Variants in PKP4 observed in about 807,000 individuals in gnomAD.
The protein encoded by PKP4 is plakophilin-4.
A neutral mutation model predicts 145.1 loss-of-function variants in PKP4; 90 were observed. The observed-to-expected ratio is 0.62, with a 90% confidence interval of 0.52 to 0.74. PKP4 has a LOEUF of 0.74. Ranked by LOEUF, PKP4 falls within the 30% of genes least tolerant of loss-of-function variation. The probability of loss-of-function intolerance (pLI) is 0.00; values close to 1 mark genes in which losing one functional copy is unlikely to be tolerated. For synonymous variants in PKP4, 563 were observed against 577.2 expected (o/e 0.98, Z 0.35); for missense variants, 1,340 against 1,482.7 (o/e 0.90, Z 1.58).
At chr2:158,490,199 A>G (rs931689099) in intron 1 of PKP4, among the ~76,000 whole-genome samples, 1 of 152,200 alleles carries the variant, frequency 6.6e-6, no homozygotes, top group Non-Finnish European at 1.5e-5. Context: ...GCCAAAATGT[A>G]GAAATTTAGC....
At chr2:158,588,478 G>A (rs568789476) in intron 3 of PKP4, among the ~76,000 whole-genome samples, 3 of 152,096 alleles carry the variant, frequency 2.0e-5, no homozygotes, top group East Asian at 1.9e-4. Flanking sequence ...AGTGTCCTCC[G>A]GCTGTTGATG....
chr2:158,623,040 T>G (rs1180303707), intron 6 of PKP4, among the ~76,000 whole-genome samples: 1 of 152,250 alleles, frequency 6.6e-6, no homozygotes, highest in Non-Finnish European at 1.5e-5. Context: ...AGACTTAATT[T>G]GCATGTAGTC....
At chr2:158,551,655 T>G (rs1383910751) in intron 2 of PKP4, among the ~76,000 whole-genome samples, 1 of 152,254 alleles carries the variant, frequency 6.6e-6, no homozygotes, top group Non-Finnish European at 1.5e-5. Context: ...AAGTATTTTT[T>G]AAATCTTTGC....
intron 2 of PKP4, among the ~76,000 whole-genome samples, chr2:158,545,207 G>A (rs1410950829): frequency 6.7e-6 from 1 of 149,200 alleles, no homozygotes; most frequent in Non-Finnish European, 1.5e-5. Flanking sequence ...TCCTCACCAG[G>A]CATTCTGGGC....
intron 5 of PKP4, 28 bp downstream of exon 5, chr2:158,621,149 G>T (rs1448374551): frequency 1.2e-6 from 2 of 1,613,806 alleles, no homozygotes; most frequent in Middle Eastern, 1.6e-4. Context: ...TTAAGTACTG[G>T]ATTTGCTTTT....
chr2:158,658,066 C>A (rs1462920046), intron 11 of PKP4, 65 bp from the exon 12 acceptor site: 3 of 916,496 alleles, frequency 3.3e-6, no homozygotes, highest in African/African-American at 1.7e-5. Context: ...AGAGCTAATA[C>A]GTTTATTTTA....
intron 2 of PKP4, among the ~76,000 whole-genome samples, chr2:158,556,647 T>C (rs184041106): frequency 6.3e-4 from 96 of 152,158 alleles, no homozygotes; most frequent in African/African-American, 2.2e-3. Context: ...GCACTGTTTA[T>C]CAGATGAGAA....
intron 9 of PKP4, among the ~76,000 whole-genome samples, chr2:158,638,952 A>G (rs2054041337): frequency 6.6e-6 from 1 of 152,086 alleles, no homozygotes; most frequent in Admixed American, 6.6e-5. Context: ...AAATGTGACT[A>G]TGTCACATCC....
chr2:158,518,540 TC>T (rs1192437544), intron 1 of PKP4, among the ~76,000 whole-genome samples: 4 of 152,028 alleles, frequency 2.6e-5, no homozygotes, highest in African/African-American at 9.7e-5. Context: ...TTTTATCAGC[TC>T]CTCACTCCTC....
intron 2 of PKP4, among the ~76,000 whole-genome samples, chr2:158,575,556 C>T (rs2047774519): frequency 6.6e-6 from 1 of 151,964 alleles, no homozygotes; most frequent in Admixed American, 6.6e-5. Context: ...ATCTTCATAC[C>T]ATACTGTACC....
chr2:158,457,337 G>C (rs1279564742), intron 1 of PKP4, 119 bp downstream of exon 1: 6 of 151,946 alleles, frequency 3.9e-5, no homozygotes, highest in African/African-American at 9.7e-5. Flanking sequence ...CCTCCCTCCC[G>C]CTGCCGCGTC....
Position 158,640,639 on chromosome 2 carries a change from G to A in PKP4, c.1575G>A (p.Trp525Ter). The change falls in exon 10 of 22, where the codon TGG becomes TGA. Residue 525 changes from tryptophan to a stop codon, truncating the protein, a stop_gained. Transcript: ENST00000389759. LOFTEE classifies it high-confidence loss of function. ...SIQKDPREFAWRDPELPEVIH... is the reference protein window; with the variant it reads ...SIQKDPREFA ...TTTTCTCATGTAGGGAGTTTGCCTG[G>A]CGTGATCCTGAGTTGCCTGAGGTCA... 6.2e-7 allele frequency: 1 copy of A among 1,613,214 alleles called. No individual in the cohort carries two copies. The highest frequency in any genetic ancestry group is 8.5e-7 in the Non-Finnish European group (1 of 1,179,952).
Position 158,666,520 on chromosome 2 carries a change from C to T in PKP4, c.2685C>T (p.Ala895=). 3 of 1,613,410 alleles carry T rather than the reference C, an allele frequency of 1.9e-6. No individual in the cohort carries two copies. Among genetic ancestry groups the T allele is most frequent in the Non-Finnish European group, 2.5e-6 (3 of 1,179,722 alleles). Residue 895 remains alanine (A), a synonymous_variant, in exon 16 of 22, where the codon GCC becomes GCT. Coordinates refer to ENST00000389759, the MANE Select transcript of PKP4 (RefSeq NM_003628.6). ...GAGTTGTTTCTTCCGTGGCAACAGC[C>T]TTGAGGAATATGGCACTAGATGTTC... ...NDRVVSSVAT[A]LRNMALDVRN... is the part of the protein sequence containing the mutation.
Position 158,489,292 on chromosome 2 carries a change from G to C in PKP4, c.-6+32074G>C, listed in dbSNP as rs113083566. 1.5e-3 allele frequency among the ~76,000 whole-genome samples: 224 copies of C among 152,026 alleles called. 1 individual carries two copies. The highest frequency in any genetic ancestry group is 5.2e-3 in the African/African-American group (216 of 41,438). ...ACTGCTATTTATAGTAACTTTCTAG[G>C]GTTTTGCTTTTTATAGTTATGGAGT... is the stretch of plus-strand genomic sequence containing the variant. On this transcript the variant is annotated intron_variant, in intron 1 of 21. Coordinates refer to ENST00000389759, the MANE Select transcript of PKP4 (RefSeq NM_003628.6).
intron 2 of PKP4, among the ~76,000 whole-genome samples, chr2:158,567,764 A>G (rs2047111155): frequency 6.6e-6 from 1 of 152,250 alleles, no homozygotes; most frequent in African/African-American, 2.4e-5. Flanking sequence ...CCACCATGGC[A>G]GGGAGAAGAC....
chr2:158,631,104 A>AT (rs1211637109), intron 7 of PKP4, among the ~76,000 whole-genome samples: 177 of 150,856 alleles, frequency 1.2e-3, no homozygotes, highest in African/African-American at 4.1e-3. Context: ...CGCCCGGCTA[A>AT]TTTTTTTTTG....
chr2:158,643,771 G>A (rs2054559230), intron 11 of PKP4, among the ~76,000 whole-genome samples: 2 of 151,422 alleles, frequency 1.3e-5, no homozygotes, highest in African/African-American at 4.8e-5. Context: ...CTTCATTTAG[G>A]GAACTGTTTT....
chr2:158,536,758 G>A (rs2044084006), intron 2 of PKP4, among the ~76,000 whole-genome samples: 2 of 152,152 alleles, frequency 1.3e-5, no homozygotes, highest in African/African-American at 4.8e-5. Context: ...GCGTACCTGC[G>A]AAGGTACAGA....
At chr2:158,641,699 A>C (rs2054298263) in intron 10 of PKP4, among the ~76,000 whole-genome samples, 2 of 152,234 alleles carry the variant, frequency 1.3e-5, no homozygotes, top group Non-Finnish European at 2.9e-5. Context: ...GCCCAGAAAT[A>C]CTCAAATAAT....
Sources: allele counts gnomAD v4.1 joint callset (sites outside exome capture counted in the v4.1 genomes callset), GRCh38; gene constraint gnomAD v4.1.1; transcripts MANE v1.5; gene names NCBI Gene and HGNC (gene_info 2026-07-23, HGNC 2026-07-21).